KIF3A: variants seen among roughly 807,000 people sequenced by gnomAD.
KIF3A encodes the protein kinesin-like protein KIF3A.
KIF3A carries 27 observed loss-of-function variants against 92.6 expected under a neutral mutation model. The ratio of observed to expected loss-of-function variants is 0.29; its 90% CI spans 0.21 to 0.40. The LOEUF (loss-of-function observed/expected upper bound fraction) is 0.40, where lower values mean the gene tolerates loss of function less well. KIF3A is among the 10% of genes least tolerant of loss of function. KIF3A has a pLI of 1.00. For missense variants in KIF3A, 581 were observed against 872.6 expected, an observed-to-expected ratio of 0.67 and a Z score of 4.21; for synonymous variants, 250 against 275.4, an observed-to-expected ratio of 0.91 and a Z score of 0.92.
At chr5:132,736,084 T>C (rs1488890457) in intron 1 of KIF3A, among the ~76,000 whole-genome samples, 1 of 152,236 alleles carries the variant, frequency 6.6e-6, no homozygotes, top group Admixed American at 6.5e-5. Context: ...CAAATACTCT[T>C]ATAGGCTCAG....
chr5:132,696,723 A>G lies in KIF3A; in HGVS notation c.2133-41T>C, dbSNP rs528081117. On this transcript the variant is annotated intron_variant, in intron 18 of 18. Transcript: ENST00000403231. Reference sequence around the variant, plus strand: ...AAAAAGCAATCATGAATGCTTTCCTAAAAGACTGAAATGCAAACATTTAAC... The same window carrying G: ...AAAAAGCAATCATGAATGCTTTCCTGAAAGACTGAAATGCAAACATTTAAC... 519 of 1,448,036 alleles carry G rather than the reference A, an allele frequency of 3.6e-4. 5 individuals carry two copies. In the South Asian group the frequency reaches 5.7e-3, roughly 16 times the overall value. The allele number at this position is 1,448,036 out of a possible 1,614,324, so 89.7% of individuals were successfully genotyped here.
Position 132,711,064 on chromosome 5 carries a change from C to G in KIF3A, c.1130-7G>C. ...GAGCCTGATATTTCTTCTCCTTGGA[C>G]AGAAATTTAATACAATGTTTTTTAT... On this transcript the variant is annotated splice_region_variant and splice_polypyrimidine_tract_variant and intron_variant, in intron 8 of 18. Coordinates refer to ENST00000403231, the MANE Select transcript of KIF3A (RefSeq NM_001300791.2). 6.2e-7 allele frequency: 1 copy of G among 1,609,266 alleles called. No individual in the cohort carries two copies. Among genetic ancestry groups the G allele is most frequent in the South Asian group, 1.1e-5 (1 of 90,954 alleles).
At chr5:132,718,165 T>C (rs1458313927) in intron 5 of KIF3A, among the ~76,000 whole-genome samples, 1 of 152,194 alleles carries the variant, frequency 6.6e-6, no homozygotes, top group Admixed American at 6.5e-5. Flanking sequence ...CCCAAATAAA[T>C]ATATGGTTTA....
chr5:132,721,474 C>T (rs1010977518), intron 4 of KIF3A: 1 of 152,086 alleles, frequency 6.6e-6, no homozygotes, highest in Non-Finnish European at 1.5e-5. Flanking sequence ...CCTGTGGTTG[C>T]CAGTGGGAAA....
chr5:132,714,404 A>C lies in KIF3A; in HGVS notation c.1129+1353T>G, dbSNP rs546514780. Among the ~76,000 whole-genome samples, 20 of 152,344 alleles carry C rather than the reference A, an allele frequency of 1.3e-4. No individual in the cohort carries two copies. In the South Asian group the frequency reaches 3.9e-3, roughly 30 times the overall value. Reference sequence around the variant, plus strand: ...AGAAATGTAGACTTAAATGTGATTAAAATGGTAAACTTTATGTTATGCAAG... The same window carrying C: ...AGAAATGTAGACTTAAATGTGATTACAATGGTAAACTTTATGTTATGCAAG... On this transcript the variant is annotated intron_variant, in intron 8 of 18. Transcript: ENST00000403231.
At chr5:132,724,716 A>G (rs1464448354) in intron 4 of KIF3A, among the ~76,000 whole-genome samples, 1 of 149,688 alleles carries the variant, frequency 6.7e-6, no homozygotes, top group African/African-American at 2.5e-5. Flanking sequence ...TGGGTGCAGC[A>G]CACCAACATG....
chr5:132,702,527 G>C, intron 14 of KIF3A, 31 bp downstream of exon 14: 1 of 1,274,904 alleles, frequency 7.8e-7, no homozygotes, highest in South Asian at 1.3e-5. Flanking sequence ...ATCCAGAACT[G>C]CATTAGTAGG....
chr5:132,689,643 C>T (rs182601557), downstream of KIF3A: 151 of 152,322 alleles, frequency 9.9e-4, no homozygotes, highest in African/African-American at 3.3e-3. Context: ...TCTTCAGCAG[C>T]ATCCCGACAA....
At chr5:132,721,592 G>A (rs923751928) in intron 4 of KIF3A, 1 of 152,048 alleles carries the variant, frequency 6.6e-6, no homozygotes, top group East Asian at 1.9e-4. Flanking sequence ...CATTCCAGTC[G>A]TTGATTTTCA....
At chr5:132,709,247 A>C (rs1439875982) in intron 9 of KIF3A, among the ~76,000 whole-genome samples, 1 of 152,188 alleles carries the variant, frequency 6.6e-6, no homozygotes, top group Non-Finnish European at 1.5e-5. Context: ...CCTAAAGCCT[A>C]ATCATTCAAA....
chr5:132,708,281 C>CAAA (rs58058674), intron 10 of KIF3A, among the ~76,000 whole-genome samples: 2 of 66,456 alleles, frequency 3.0e-5, no homozygotes, highest in African/African-American at 4.5e-5. Context: ...GACTCCGTCT[C>CAAA]AAAAAAAAAA....
rs546437329 is a variant in KIF3A at position 132,707,382 on chromosome 5, T to G, written c.1301-923A>C. ...TCTCCACTTCACCAACACGCCCACA[T>G]TACAAGAAAAAAATTATGTGCTAGG... is the stretch of plus-strand genomic sequence containing the variant. On this transcript the variant is annotated intron_variant, in intron 10 of 18. Transcript: ENST00000403231. Among the ~76,000 whole-genome samples, 5 of 152,266 alleles carry G rather than the reference T, an allele frequency of 3.3e-5. No homozygotes were observed. The South Asian group carries it at 1.0e-3, about 32-fold the overall frequency.
chr5:132,736,586 T>G (rs1012680089), intron 1 of KIF3A, among the ~76,000 whole-genome samples: 9 of 152,206 alleles, frequency 5.9e-5, no homozygotes, highest in East Asian at 1.9e-4. Flanking sequence ...ATTTACTGAA[T>G]TAAAACTTGA....
intron 2 of KIF3A, 82 bp from the exon 3 acceptor site, chr5:132,726,580 C>G: frequency 2.4e-6 from 3 of 1,247,312 alleles, no homozygotes; most frequent in Non-Finnish European, 3.4e-6. Flanking sequence ...TCCTTTGACA[C>G]TGTGATGTAA....
intron 2 of KIF3A, among the ~76,000 whole-genome samples, chr5:132,733,448 T>C (rs1408464376): frequency 6.6e-6 from 1 of 152,004 alleles, no homozygotes; most frequent in Non-Finnish European, 1.5e-5. Context: ...AGCTACAAAA[T>C]ACAGATGAGA....
At chr5:132,713,752 T>C (rs1753512335) in intron 8 of KIF3A, among the ~76,000 whole-genome samples, 1 of 152,122 alleles carries the variant, frequency 6.6e-6, no homozygotes, top group African/African-American at 2.4e-5. Flanking sequence ...GATAACAAAA[T>C]GTAGTATATA....
chr5:132,707,157 T>C (rs1207787940), intron 10 of KIF3A, among the ~76,000 whole-genome samples: 1 of 152,028 alleles, frequency 6.6e-6, no homozygotes, highest in Non-Finnish European at 1.5e-5. Flanking sequence ...AAAATAAAAT[T>C]ATTACATAAA....
At position 132,693,377 on chromosome 5, in the gene KIF3A, C is replaced by A. The variant is rs1214418151; in HGVS notation, c.*3257G>T. On this transcript the variant is annotated 3_prime_UTR_variant, in exon 19 of 19. Transcript: ENST00000403231. ...ATTGTAAGGATTATTAAAGAAGATA[C>A]TATAAACCAATAATTCTACCAATGC... The A allele has an allele frequency of 6.6e-6, 1 of 152,488 alleles. No individual in the cohort carries two copies. The highest frequency in any genetic ancestry group is 1.5e-5 in the Non-Finnish European group (1 of 68,022). 9.4% of individuals were successfully genotyped at this position (152,488 alleles called of 1,614,324 possible). A position where few individuals can be genotyped will look rare whatever the true frequency, so the allele number is the denominator to read the frequency against.
intron 4 of KIF3A, among the ~76,000 whole-genome samples, chr5:132,724,592 A>G (rs1393227402): frequency 1.3e-5 from 2 of 151,524 alleles, no homozygotes; most frequent in Non-Finnish European, 2.9e-5. Context: ...GAACTGAACA[A>G]TGAGAACACT....
Sources: allele counts gnomAD v4.1 joint callset (sites outside exome capture counted in the v4.1 genomes callset), GRCh38; gene constraint gnomAD v4.1.1; transcripts MANE v1.5; gene names NCBI Gene and HGNC (gene_info 2026-07-23, HGNC 2026-07-21).